Variants in JPT2 observed in about 807,000 individuals in gnomAD.
The protein encoded by JPT2 is Jupiter microtubule associated homolog 2, also known as CRAMP_1 like.
In JPT2, 9 loss-of-function variants were observed where a neutral mutation model predicts 15.9. The observed-to-expected ratio is 0.57, with a 90% CI of 0.34 to 0.99. The LOEUF is 0.99. Among genes scored for constraint, JPT2 ranks in the 50% least tolerant of loss-of-function variants. The pLI, the probability that JPT2 is intolerant of heterozygous loss-of-function variation, is 0.02. For missense variants in JPT2, 267 were observed against 252.1 expected, an observed-to-expected ratio of 1.06 and a Z score of -0.40; for synonymous variants, 95 against 91.7, an observed-to-expected ratio of 1.04 and a Z score of -0.21.
intron 3 of JPT2, among the ~76,000 whole-genome samples, chr16:1,695,431 G>C (rs776955996): frequency 1.3e-5 from 2 of 150,762 alleles, no homozygotes; most frequent in South Asian, 2.1e-4. Context: ...AATCAGTTGC[G>C]TATGGTTGCG....
At chr16:1,691,073 G>A (rs1376634385) in intron 2 of JPT2, among the ~76,000 whole-genome samples, 1 of 152,222 alleles carries the variant, frequency 6.6e-6, no homozygotes, top group Non-Finnish European at 1.5e-5. Flanking sequence ...TGATTTTAAT[G>A]ACACCAACCT....
chr16:1,683,478 C>CT (rs113851179), intron 1 of JPT2: 108,971 of 1,406,184 alleles, frequency 0.077, 3,435 homozygotes, highest in African/African-American at 0.12. Flanking sequence ...GTGCACCTGT[C>CT]TTTTTTTTTC....
In JPT2 at chr16:1,699,511, T is replaced by C; in HGVS notation, c.*513T>C. On this transcript the variant is annotated 3_prime_UTR_variant, in exon 5 of 5. Transcript: ENST00000248098. The stretch of plus-strand genomic sequence containing the variant: ...CCCCCAGCATATTGTTCTGTAGTCT[T>C]TTCTTGAAACATCTTGATTGCTTTT... 3.1e-6 allele frequency: 1 copy of C among 323,358 alleles called. No individual in the cohort carries two copies. 20.0% of individuals were successfully genotyped at this position (323,358 alleles called of 1,614,324 possible).
chr16:1,688,064 C>T (rs1047529200), intron 2 of JPT2, among the ~76,000 whole-genome samples: 7 of 152,192 alleles, frequency 4.6e-5, no homozygotes, highest in African/African-American at 1.7e-4. Context: ...ATGAATTGTT[C>T]TTCCTCTTCT....
intron 1 of JPT2, among the ~76,000 whole-genome samples, chr16:1,683,795 G>A (rs1035118958): frequency 6.6e-6 from 1 of 152,154 alleles, no homozygotes; most frequent in African/African-American, 2.4e-5. Flanking sequence ...ACCTTGAGTG[G>A]TCAGTGTTTG....
chr16:1,698,755 T>G lies in JPT2; in HGVS notation c.386-56T>G, dbSNP rs1477601287. 5.2e-6 allele frequency: 8 copies of G among 1,528,892 alleles called. No individual in the cohort carries two copies. The East Asian group carries it at 1.8e-4, about 35-fold the overall frequency. The allele number at this position is 1,528,892 out of a possible 1,614,324, so 94.7% of individuals were successfully genotyped here. A position where few individuals can be genotyped will look rare whatever the true frequency, so the allele number is the denominator to read the frequency against. On this transcript the variant is annotated intron_variant, in intron 4 of 4. Coordinates refer to ENST00000248098, the MANE Select transcript of JPT2 (RefSeq NM_144570.3). This position sits in a 1 kb window ranked among gnomAD's most constrained non-coding sequence, Gnocchi z 4.9. ...ACACTTTTTATTTCCACAGCCTGCC[T>G]GTCAGGGTCATGGGTTGCCTCTAAT...
chr16:1,681,668 C>T (rs1039061248), intron 1 of JPT2, among the ~76,000 whole-genome samples: 1 of 152,236 alleles, frequency 6.6e-6, no homozygotes, highest in Admixed American at 6.5e-5. Context: ...CCTGTTTAAA[C>T]TTGAAGCTCC....
intron 1 of JPT2, chr16:1,680,459 G>A (rs1238889235): frequency 6.4e-6 from 8 of 1,241,342 alleles, no homozygotes; most frequent in Non-Finnish European, 8.3e-6. Context: ...TTCCTTTTAG[G>A]ATGGTGAGGA....
At chr16:1,702,269 A>G (rs752637326), downstream of JPT2, 5 of 431,770 alleles carry the variant, frequency 1.2e-5, no homozygotes, top group Non-Finnish European at 2.4e-5. Context: ...GAAAACCAAC[A>G]TGCATTAACT....
intron 3 of JPT2, among the ~76,000 whole-genome samples, chr16:1,697,514 CAAAAA>C (rs111429583): frequency 8.6e-6 from 1 of 115,826 alleles, no homozygotes; most frequent in Non-Finnish European, 1.9e-5. Flanking sequence ...CTCTTGTCTC[CAAAAA>C]AAAAAAAAAA....
chr16:1,694,521 A>G (rs943937818), intron 3 of JPT2, among the ~76,000 whole-genome samples: 6 of 152,354 alleles, frequency 3.9e-5, no homozygotes, highest in African/African-American at 1.2e-4. Context: ...ATGGTACCCC[A>G]AGTATCCAAA....
Position 1,685,539 on chromosome 16 carries a change from G to C in JPT2, c.145G>C (p.Gly49Arg), listed in dbSNP as rs2037058017. Residue 49 changes from glycine to arginine, a missense_variant, in exon 2 of 5, where the codon GGA becomes CGA. Transcript: ENST00000248098. ...TAATAGGATGGCATCTAATATTTTT[G>C]GACCAACAGAAGAACCTCAGAACAT... Reference protein sequence around the residue: ...RPNRMASNIFGPTEEPQNIPK... With the variant: ...RPNRMASNIFRPTEEPQNIPK... 6.2e-7 allele frequency: 1 copy of C among 1,614,094 alleles called. No homozygotes were observed. The highest frequency in any genetic ancestry group is 8.5e-7 in the Non-Finnish European group (1 of 1,180,032).
intron 4 of JPT2, 40 bp downstream of exon 4, chr16:1,697,900 A>G: frequency 6.3e-7 from 1 of 1,578,362 alleles, no homozygotes; most frequent in Non-Finnish European, 8.7e-7. Flanking sequence ...GAGTGGCCTC[A>G]TTATTTCTGG....
chr16:1,678,438 G>A (rs2036991071), intron 1 of JPT2, 82 bp downstream of exon 1: 13 of 1,106,400 alleles, frequency 1.2e-5, no homozygotes, highest in African/African-American at 1.6e-5. Flanking sequence ...TCCACCAGCC[G>A]TGTGGGGTTG....
At chr16:1,682,725 A>G (rs959195509) in intron 1 of JPT2, among the ~76,000 whole-genome samples, 3 of 152,040 alleles carry the variant, frequency 2.0e-5, no homozygotes, top group Non-Finnish European at 4.4e-5. Flanking sequence ...AAAAATGGAT[A>G]TGGAAGTCAG....
chr16:1,687,209 A>G (rs1390061916), intron 2 of JPT2, among the ~76,000 whole-genome samples: 1 of 152,022 alleles, frequency 6.6e-6, no homozygotes, highest in African/African-American at 2.4e-5. Context: ...CTGGTCTCGA[A>G]CTCCTGGGCT....
chr16:1,685,835 C>G (rs901236058), intron 2 of JPT2: 6 of 318,374 alleles, frequency 1.9e-5, no homozygotes, highest in Middle Eastern at 8.4e-4. Context: ...CAAAAGTGGA[C>G]GGGGGCTTCT....
intron 4 of JPT2, 110 bp downstream of exon 4, chr16:1,697,970 C>A: frequency 1.0e-6 from 1 of 962,388 alleles, no homozygotes; most frequent in Non-Finnish European, 1.6e-6. Flanking sequence ...CCTTCTGGGC[C>A]ACCTGATTAA....
rs573427871 is a variant in JPT2, at chr16:1,691,859, T to C, written c.210T>C (p.Gly70=). 8 of 1,613,764 alleles carry C rather than the reference T, an allele frequency of 5.0e-6. No individual in the cohort carries two copies. The East Asian group carries it at 1.3e-4, about 27-fold the overall frequency. The change falls in exon 3 of 5, where the codon GGT becomes GGC. Residue 70 remains glycine (G), a synonymous_variant. Transcript: ENST00000248098. ...TTTCTGCAGGGGGTAAAGGAAGTGG[T>C]ATCTTTGACGAATCAACCCCCGTGC... ...RTNPPGGKGS[G]IFDESTPVQT...
Sources: gnomAD v4.1 joint callset for allele counts (sites outside exome capture counted in the v4.1 genomes callset) on GRCh38, gnomAD v4.1.1 for gene constraint, Gnocchi (gnomAD v3.1) non-coding constraint, MANE v1.5 for transcripts, NCBI Gene and HGNC (gene_info 2026-07-23, HGNC 2026-07-21) for gene names.